DPP6: variants seen among roughly 807,000 people sequenced by gnomAD.
DPP6 encodes A-type potassium channel modulatory protein DPP6.
A neutral mutation model predicts 122.6 loss-of-function variants in DPP6; 69 were observed. That is an observed-to-expected ratio of 0.56 (90% CI 0.46 to 0.69). The LOEUF (loss-of-function observed/expected upper bound fraction) is 0.69. Among genes scored for constraint, DPP6 ranks in the 30% least tolerant of loss-of-function variants. The probability of loss-of-function intolerance (pLI) is 0.00; values close to 1 mark genes in which losing one functional copy is unlikely to be tolerated. For missense variants in DPP6, 928 were observed against 1,116.9 expected (o/e 0.83, Z 2.41); for synonymous variants, 418 against 433.1 (o/e 0.97, Z 0.43).
At chr7:154,817,667 G>A (rs942557800) in intron 16 of DPP6, among the ~76,000 whole-genome samples, 2 of 152,208 alleles carry the variant, frequency 1.3e-5, no homozygotes, top group Non-Finnish European at 2.9e-5. Context: ...AGTAACTGAT[G>A]TCATGAATGT....
chr7:154,089,012 C>T (rs1804624519), intron 1 of DPP6, among the ~76,000 whole-genome samples: 1 of 152,000 alleles, frequency 6.6e-6, no homozygotes, highest in African/African-American at 2.4e-5. Context: ...ACGTCCAGCC[C>T]AGAAGTCACA....
rs552665415 is a variant in DPP6 at position 154,090,616 on chromosome 7, G to A, written c.243+37553G>A. Among the ~76,000 whole-genome samples the A allele has an allele frequency of 6.3e-3, 956 of 152,080 alleles. 15 individuals are homozygous for A. Among genetic ancestry groups the A allele is most frequent in the African/African-American group, 0.022 (892 of 41,464 alleles). On this transcript the variant is annotated intron_variant, in intron 1 of 25. Coordinates refer to ENST00000377770, the MANE Select transcript of DPP6 (RefSeq NM_130797.4). ...CACCACCACCATTGCCCATAGAGGC[G>A]CCTGCAGAGGCTGGACTTGCTGCTT...
At chr7:154,327,331 G>T (rs925781324) in intron 1 of DPP6, among the ~76,000 whole-genome samples, 8 of 152,130 alleles carry the variant, frequency 5.3e-5, no homozygotes, top group Admixed American at 5.2e-4. Flanking sequence ...TATGGCAATT[G>T]CCCTGACTTG....
chr7:154,201,132 G>T (rs994690720), intron 1 of DPP6, among the ~76,000 whole-genome samples: 1 of 151,848 alleles, frequency 6.6e-6, no homozygotes, highest in African/African-American at 2.4e-5. Flanking sequence ...TTTTTTTGTT[G>T]TTGTTTTTTT....
At chr7:154,181,185 A>C (rs908317534) in intron 1 of DPP6, among the ~76,000 whole-genome samples, 1 of 152,214 alleles carries the variant, frequency 6.6e-6, no homozygotes, top group Non-Finnish European at 1.5e-5. Flanking sequence ...ACACAAGAGC[A>C]TGCCCCTGGA....
At chr7:153,801,409 C>T in the DPP6 span, among the ~76,000 whole-genome samples, 717 of 152,240 alleles carry the variant, frequency 4.7e-3, 2 homozygotes, top group Non-Finnish European at 7.8e-3. Context: ...TCTTTCAAAC[C>T]TCATCAGTCC....
chr7:153,958,392 G>T (rs190076701), intron 1 of DPP6, among the ~76,000 whole-genome samples: 1 of 152,202 alleles, frequency 6.6e-6, no homozygotes, highest in African/African-American at 2.4e-5. Flanking sequence ...CCCCATGCAG[G>T]AGCTGTTGCG....
chr7:154,364,770 T>C (rs1479114582), intron 1 of DPP6, among the ~76,000 whole-genome samples: 1 of 152,218 alleles, frequency 6.6e-6, no homozygotes, highest in African/African-American at 2.4e-5. Context: ...CACCTCGAGA[T>C]TGACTTGATG....
chr7:154,644,099 A>G (rs1836291366), intron 6 of DPP6, among the ~76,000 whole-genome samples: 1 of 152,162 alleles, frequency 6.6e-6, no homozygotes, highest in African/African-American at 2.4e-5. Flanking sequence ...CAGTGTTTAA[A>G]ACCCAGTAGT....
At chr7:154,719,253 G>A (rs1841671230) in intron 7 of DPP6, among the ~76,000 whole-genome samples, 2 of 152,092 alleles carry the variant, frequency 1.3e-5, no homozygotes, top group Admixed American at 1.3e-4. Flanking sequence ...TTACATCCCA[G>A]CCTCTCCAGA....
At chr7:154,597,189 T>C (rs553223812) in intron 5 of DPP6, among the ~76,000 whole-genome samples, 1 of 126,440 alleles carries the variant, frequency 7.9e-6, no homozygotes, top group South Asian at 2.7e-4. Context: ...AGAGAGAGGG[T>C]GGGGAGACAG....
chr7:154,756,087 C>A (rs1381246137), intron 8 of DPP6, among the ~76,000 whole-genome samples: 1 of 152,196 alleles, frequency 6.6e-6, no homozygotes, highest in Non-Finnish European at 1.5e-5. Flanking sequence ...TGCTCCAACC[C>A]CCTAGGGAAG....
At chr7:154,030,594 G>A (rs574846833) in intron 1 of DPP6, among the ~76,000 whole-genome samples, 303 of 152,230 alleles carry the variant, frequency 2.0e-3, no homozygotes, top group African/African-American at 5.2e-3. Flanking sequence ...TGAGGTGAGC[G>A]CATCTTTGCT....
intron 6 of DPP6, among the ~76,000 whole-genome samples, chr7:154,654,479 C>T (rs1031403873): frequency 5.0e-5 from 6 of 120,614 alleles, no homozygotes; most frequent in South Asian, 5.8e-4. Flanking sequence ...AGTGCAGTGA[C>T]GTGATCTCGG....
chr7:154,853,704 A>C, intron 16 of DPP6, 76 bp from the exon 17 acceptor site: 1 of 1,542,190 alleles, frequency 6.5e-7, no homozygotes, highest in South Asian at 1.2e-5. Context: ...GCATAAGAAA[A>C]GCCTGTTTTC....
At chr7:154,475,341 G>A (rs1304701741) in intron 3 of DPP6, 2 of 378,886 alleles carry the variant, frequency 5.3e-6, no homozygotes, top group Non-Finnish European at 1.0e-5. Context: ...CTCCGGGGGA[G>A]CTGTGGGGTG....
intron 1 of DPP6, among the ~76,000 whole-genome samples, chr7:154,208,723 T>C (rs1170399288): frequency 6.6e-6 from 1 of 151,686 alleles, no homozygotes; most frequent in Non-Finnish European, 1.5e-5. Flanking sequence ...GTCAGGGAAA[T>C]AAGTTTTCAT....
At chr7:154,709,074 T>A (rs1841001890) in intron 7 of DPP6, among the ~76,000 whole-genome samples, 1 of 152,088 alleles carries the variant, frequency 6.6e-6, no homozygotes. Context: ...TAAAATAACG[T>A]TGAAAAGCAT....
intron 1 of DPP6, among the ~76,000 whole-genome samples, chr7:153,978,742 G>A (rs533251755): frequency 5.9e-5 from 9 of 152,192 alleles, no homozygotes; most frequent in African/African-American, 1.9e-4. Context: ...TAAGGAAAAC[G>A]TCCAGTTTCA....
Sources: allele counts gnomAD v4.1 joint callset (sites outside exome capture counted in the v4.1 genomes callset), GRCh38; gene constraint gnomAD v4.1.1; transcripts MANE v1.5; gene names NCBI Gene and HGNC (gene_info 2026-07-23, HGNC 2026-07-21).